Variants in EFCAB6 observed in about 807,000 individuals in gnomAD.
EFCAB6 encodes EF-hand calcium binding domain 6, also known as EF-hand calcium-binding domain-containing protein 6.
Under a neutral mutation model 169.8 loss-of-function variants are expected in EFCAB6, and 156 were observed. The ratio of observed to expected loss-of-function variants is 0.92; its 90% CI spans 0.81 to 1.05. The LOEUF is 1.05. EFCAB6 is among the 50% of genes least tolerant of loss of function. The probability of loss-of-function intolerance (pLI) is 0.00; values close to 1 mark genes in which losing one functional copy is unlikely to be tolerated. For missense variants in EFCAB6, 1,800 were observed against 1,829.1 expected (o/e 0.98, Z 0.29); for synonymous variants, 698 against 676.4 (o/e 1.03, Z -0.50).
rs558507232 is a variant in EFCAB6, at chr22:43,747,058, C to T, written c.507+8708G>A. 2.3e-3 allele frequency among the ~76,000 whole-genome samples: 349 copies of T among 152,320 alleles called. 2 individuals carry two copies. The highest frequency in any genetic ancestry group is 3.9e-3 in the Non-Finnish European group (267 of 68,034). Reference sequence around the variant, plus strand: ...AAACCGCAGAAGACTGTTCAGGTTACGTGAAAAGTTTCCCAGGCTGGGCCA... The same window carrying T: ...AAACCGCAGAAGACTGTTCAGGTTATGTGAAAAGTTTCCCAGGCTGGGCCA... On this transcript the variant is annotated intron_variant, in intron 6 of 31. Transcript: ENST00000262726.
chr22:43,809,907 G>A (rs543700528), intron 1 of EFCAB6, among the ~76,000 whole-genome samples: 63 of 152,172 alleles, frequency 4.1e-4, no homozygotes, highest in Middle Eastern at 3.4e-3. Context: ...CGCACAGCCT[G>A]TTTTGTTTTT....
intron 23 of EFCAB6, among the ~76,000 whole-genome samples, chr22:43,596,470 A>C (rs879845472): frequency 2.6e-5 from 4 of 152,126 alleles, no homozygotes; most frequent in Non-Finnish European, 5.9e-5. Flanking sequence ...AATCCAAAAA[A>C]GAAATAAATA....
rs747337670 is a variant in EFCAB6 at position 43,667,102 on chromosome 22, A to C, written c.1983+2T>G. 2.5e-6 allele frequency: 4 copies of C among 1,612,598 alleles called. No homozygotes were observed. The highest frequency in any genetic ancestry group is 3.4e-6 in the Non-Finnish European group (4 of 1,179,480). On this transcript the variant is annotated splice_donor_variant, in intron 17 of 31. Transcript: ENST00000262726. LOFTEE classifies it high-confidence loss of function. ...GAAACAAAGAGAAACCCATTCTCCTACCTTCTTAAAGTCATGCACGTTAAT... is the reference window on the plus strand; with the variant it reads ...GAAACAAAGAGAAACCCATTCTCCTCCCTTCTTAAAGTCATGCACGTTAAT...
Position 43,537,517 on chromosome 22 carries a change from C to G in EFCAB6, c.3908G>C (p.Gly1303Ala), listed in dbSNP as rs1313451054. The change falls in exon 29 of 32, where the codon GGC (glycine) becomes GCC (alanine). Residue 1303 changes from glycine to alanine, a missense_variant. Gly to Ala is a moderately conservative substitution (Grantham distance 60, BLOSUM62 0). Transcript: ENST00000262726. This position sits in a 1 kb window ranked among gnomAD's most constrained non-coding sequence, Gnocchi z 4.3. ...ATCACAGTTCTGCAAGGGTGGAGTG[C>G]CCGGGATCACGGTGGTGCTCGCTGG... The part of the protein sequence containing the change: ...CTPASTTVIP[G>A]TPPLQNCDPI... 1.2e-6 allele frequency: 2 copies of G among 1,613,956 alleles called. No individual in the cohort carries two copies. The highest frequency in any genetic ancestry group is 1.7e-6 in the Non-Finnish European group (2 of 1,179,954).
rs377600108 is a variant in EFCAB6, at chr22:43,744,162, ATAGATGGG to A, written c.508-8177_508-8170del. On this transcript the variant is annotated intron_variant, in intron 6 of 31. Coordinates refer to ENST00000262726, the MANE Select transcript of EFCAB6 (RefSeq NM_022785.4). This position sits in a 1 kb window ranked among gnomAD's most constrained non-coding sequence, Gnocchi z 4.3. ...GGGTAGATGGATGGATGGATGATGG[ATAGATGGG>A]TAGATGGATGAATGGATGGATGATG... Among the ~76,000 whole-genome samples the A allele has an allele frequency of 8.9e-3, 1,351 of 151,934 alleles. 19 individuals carry two copies. The highest frequency in any genetic ancestry group is 0.032 in the African/African-American group (1,306 of 41,398).
At chr22:43,636,260 G>T (rs2055388334) in intron 17 of EFCAB6, among the ~76,000 whole-genome samples, 1 of 151,910 alleles carries the variant, frequency 6.6e-6, no homozygotes, top group African/African-American at 2.4e-5. Context: ...GATGTCACCA[G>T]AAGCCAGAGT....
Position 43,671,694 on chromosome 22 carries a change from G to A in EFCAB6, c.1640+279C>T, listed in dbSNP as rs575275746. ...ACTCAGGCCTCACAACTCACCAGCTGTGTGAGTTGGAGTGAGTATTTAACT... is the reference window on the plus strand; with the variant it reads ...ACTCAGGCCTCACAACTCACCAGCTATGTGAGTTGGAGTGAGTATTTAACT... On this transcript the variant is annotated intron_variant, in intron 15 of 31. Transcript: ENST00000262726. 2.9e-4 allele frequency among the ~76,000 whole-genome samples: 44 copies of A among 152,314 alleles called. No individual in the cohort carries two copies. In the Middle Eastern group the frequency reaches 0.01, roughly 35 times the overall value.
At chr22:43,563,150 G>A (rs1322536598) in intron 26 of EFCAB6, among the ~76,000 whole-genome samples, 4 of 152,146 alleles carry the variant, frequency 2.6e-5, no homozygotes, top group African/African-American at 9.7e-5. Context: ...GAAGGAACGC[G>A]GCCAGGGCCA....
At chr22:43,552,791 T>C (rs532042023) in intron 27 of EFCAB6, 4 of 152,328 alleles carry the variant, frequency 2.6e-5, no homozygotes, top group African/African-American at 9.6e-5. Context: ...AAAATTTTAC[T>C]CATTTAGGTG....
intron 10 of EFCAB6, among the ~76,000 whole-genome samples, chr22:43,711,053 TA>T (rs1285879198): frequency 6.6e-6 from 1 of 152,178 alleles, no homozygotes; most frequent in Non-Finnish European, 1.5e-5. Flanking sequence ...CTGATTTAAA[TA>T]AATTTAAATT....
chr22:43,786,466 A>C (rs1178051863), intron 2 of EFCAB6, among the ~76,000 whole-genome samples: 1 of 152,190 alleles, frequency 6.6e-6, no homozygotes, highest in Non-Finnish European at 1.5e-5. Flanking sequence ...TCACGCCTGT[A>C]ATCCCAGCAC....
chr22:43,796,355 TTAAG>T (rs2148146369), intron 2 of EFCAB6, among the ~76,000 whole-genome samples: 1 of 152,244 alleles, frequency 6.6e-6, no homozygotes, highest in East Asian at 1.9e-4. Context: ...TTGAACTAAA[TTAAG>T]TAATTGTGTT....
intron 21 of EFCAB6, among the ~76,000 whole-genome samples, chr22:43,611,731 G>A (rs1382553879): frequency 1.3e-5 from 2 of 152,178 alleles, no homozygotes; most frequent in Non-Finnish European, 2.9e-5. Context: ...CTGGTAGGCT[G>A]AGGTTACAGT....
chr22:43,573,728 T>TA (rs2050045244), intron 26 of EFCAB6, among the ~76,000 whole-genome samples: 1 of 81,092 alleles, frequency 1.2e-5, no homozygotes. Flanking sequence ...TGAGTCTGTC[T>TA]CAACAAAAAA....
chr22:43,809,630 G>A (rs1016440000), intron 1 of EFCAB6, among the ~76,000 whole-genome samples: 9 of 152,094 alleles, frequency 5.9e-5, no homozygotes, highest in African/African-American at 2.2e-4. Flanking sequence ...GTTTTGAGAT[G>A]GAGTTTTACT....
intron 2 of EFCAB6, among the ~76,000 whole-genome samples, chr22:43,808,311 G>A (rs562134480): frequency 1.6e-4 from 25 of 152,230 alleles, no homozygotes; most frequent in African/African-American, 4.8e-4. Flanking sequence ...AGGTATCTTC[G>A]AGTGGGTGCT....
At chr22:43,579,801 C>T (rs1251141370) in intron 25 of EFCAB6, among the ~76,000 whole-genome samples, 12 of 104,034 alleles carry the variant, frequency 1.2e-4, no homozygotes, top group South Asian at 6.7e-4. Flanking sequence ...CATCATTCCA[C>T]ACACGCAGGC....
chr22:43,701,031 C>A (rs757668199), intron 10 of EFCAB6, among the ~76,000 whole-genome samples: 7 of 152,072 alleles, frequency 4.6e-5, no homozygotes, highest in African/African-American at 9.7e-5. Context: ...TAAAAGATAG[C>A]CTCGTCCTGG....
intron 10 of EFCAB6, among the ~76,000 whole-genome samples, chr22:43,708,939 C>G (rs2059056634): frequency 6.6e-6 from 1 of 152,146 alleles, no homozygotes; most frequent in African/African-American, 2.4e-5. Context: ...TCAGAAATCC[C>G]TAGGTCCCTC....
Sources: allele counts gnomAD v4.1 joint callset (sites outside exome capture counted in the v4.1 genomes callset), GRCh38; gene constraint gnomAD v4.1.1; non-coding constraint Gnocchi (gnomAD v3.1); transcripts MANE v1.5; gene names NCBI Gene and HGNC (gene_info 2026-07-23, HGNC 2026-07-21).